The following CDX1 variants were observed in gnomAD, a reference collection of about 807,000 sequenced individuals.
The protein encoded by CDX1 is caudal type homeobox 1.
A neutral mutation model predicts 16.9 loss-of-function variants in CDX1; 9 were observed. The observed-to-expected ratio is 0.53, with a 90% CI of 0.32 to 0.93. The LOEUF (loss-of-function observed/expected upper bound fraction) is 0.93. Ranked by LOEUF, CDX1 falls within the 40% of genes least tolerant of loss-of-function variation. CDX1 has a pLI of 0.04. For synonymous variants in CDX1, 179 were observed against 179.0 expected (o/e 1.00, Z 0.00); for missense variants, 393 against 386.1 (o/e 1.02, Z -0.15).
chr5:150,177,106 T>C (rs1761578281), intron 1 of CDX1, among the ~76,000 whole-genome samples: 1 of 152,254 alleles, frequency 6.6e-6, no homozygotes, highest in African/African-American at 2.4e-5. Context: ...CCACACTCTG[T>C]CCTTGCCTGG....
At chr5:150,169,034 G>A (rs992111599) in intron 1 of CDX1, among the ~76,000 whole-genome samples, 8 of 152,276 alleles carry the variant, frequency 5.3e-5, no homozygotes, top group African/African-American at 1.9e-4. Context: ...AGTCTGTGAG[G>A]CTCTGGAGAA....
chr5:150,178,393 C>T (rs1761596226), intron 1 of CDX1, among the ~76,000 whole-genome samples: 1 of 152,204 alleles, frequency 6.6e-6, no homozygotes, highest in Non-Finnish European at 1.5e-5. Context: ...CAGAGGATTA[C>T]TTATTAGGTG....
In CDX1 at chr5:150,183,867, C is replaced by T; in HGVS notation, c.*187C>T. The T allele has an allele frequency of 6.7e-6, 3 of 445,926 alleles. No individual in the cohort carries two copies. The highest frequency in any genetic ancestry group is 1.2e-5 in the Non-Finnish European group (3 of 250,458). 27.6% of individuals were successfully genotyped at this position (445,926 alleles called of 1,614,324 possible). The stretch of plus-strand genomic sequence containing the variant: ...GTAAGCCTGTTGGATAAAGACCTTC[C>T]AGCTCCTGTGTTCTAGACCTCTGGG... On this transcript the variant is annotated 3_prime_UTR_variant, in exon 3 of 3. Transcript: ENST00000231656.
chr5:150,174,018 T>C lies in CDX1; in HGVS notation c.445+6697T>C, dbSNP rs146551566. Among the ~76,000 whole-genome samples, 668 of 152,358 alleles carry C rather than the reference T, an allele frequency of 4.4e-3. 6 individuals are homozygous for C. Among genetic ancestry groups the C allele is most frequent in the African/African-American group, 0.015 (643 of 41,574 alleles). ...GGATTCATCAAGTACTCACTGTGTGTGTCAGGCACGTGATAGGTGCTGGTG... is the reference window on the plus strand; with the variant it reads ...GGATTCATCAAGTACTCACTGTGTGCGTCAGGCACGTGATAGGTGCTGGTG... On this transcript the variant is annotated intron_variant, in intron 1 of 2. Transcript: ENST00000231656.
intron 1 of CDX1, among the ~76,000 whole-genome samples, chr5:150,169,160 G>A (rs1378937992): frequency 6.6e-6 from 1 of 152,098 alleles, no homozygotes; most frequent in African/African-American, 2.4e-5. Context: ...GGCCATCACT[G>A]TGTAAGGGAA....
At chr5:150,176,976 G>A (rs1040151942) in intron 1 of CDX1, among the ~76,000 whole-genome samples, 2 of 152,256 alleles carry the variant, frequency 1.3e-5, no homozygotes, top group Non-Finnish European at 2.9e-5. Flanking sequence ...TTTCAGAGCT[G>A]GATTTGTGGT....
intron 1 of CDX1, among the ~76,000 whole-genome samples, chr5:150,172,329 G>A (rs999683115): frequency 1.3e-5 from 2 of 152,148 alleles, no homozygotes; most frequent in African/African-American, 4.8e-5. Context: ...CTGTGGCATT[G>A]GCTAAATCTT....
intron 1 of CDX1, among the ~76,000 whole-genome samples, chr5:150,179,617 G>A (rs1170425491): frequency 6.6e-6 from 1 of 152,158 alleles, no homozygotes; most frequent in Non-Finnish European, 1.5e-5. Context: ...GGACTCTAAG[G>A]AAAAAGCACC....
chr5:150,183,555 C>T lies in CDX1; in HGVS notation c.673C>T (p.Pro225Ser). 1.9e-6 allele frequency: 3 copies of T among 1,612,616 alleles called. No individual in the cohort carries two copies. Among genetic ancestry groups the T allele is most frequent in the African/African-American group, 1.3e-5 (1 of 75,030 alleles). ...ACAGCAGCAGCAACAGCCCCCACAG[C>T]CGCCGATGGCCCACGACATCACGGC... ...KKQQQQQPPQ[P>S]PMAHDITATP... The change falls in exon 3 of 3, where the codon CCG becomes TCG. Residue 225 changes from proline (P) to serine (S), a missense_variant. Physicochemically the swap from Pro to Ser is moderately conservative, Grantham distance 74. Coordinates refer to ENST00000231656, the MANE Select transcript of CDX1 (RefSeq NM_001804.3).
At chr5:150,169,772 C>A (rs931846260) in intron 1 of CDX1, among the ~76,000 whole-genome samples, 19 of 152,188 alleles carry the variant, frequency 1.2e-4, no homozygotes, top group Non-Finnish European at 1.5e-4. Flanking sequence ...AGCCTGCCAC[C>A]AATCCTGGCT....
intron 1 of CDX1, among the ~76,000 whole-genome samples, chr5:150,167,984 C>G (rs1041229055): frequency 1.3e-5 from 2 of 152,210 alleles, no homozygotes; most frequent in South Asian, 2.1e-4. Context: ...CTCCTGCCCC[C>G]AGGCAGGCCT....
At chr5:150,175,531 C>A (rs918108734) in intron 1 of CDX1, among the ~76,000 whole-genome samples, 1 of 152,110 alleles carries the variant, frequency 6.6e-6, no homozygotes, top group African/African-American at 2.4e-5. Flanking sequence ...TGGCCATTGT[C>A]CCCCTTTCCC....
rs115080136 is a variant in CDX1 at position 150,180,708 on chromosome 5, G to A, written c.446-2060G>A. On this transcript the variant is annotated intron_variant, in intron 1 of 2. Transcript: ENST00000231656. ...CGTGTGCGGGTCTGGAAGTGCTTGC[G>A]TGCGCCTCCTATTTATAGCCACGTG... Among the ~76,000 whole-genome samples the A allele has an allele frequency of 2.0e-3, 308 of 152,226 alleles. 2 individuals carry two copies. Among genetic ancestry groups the A allele is most frequent in the African/African-American group, 7.0e-3 (289 of 41,532 alleles).
chr5:150,182,873 A>C lies in CDX1; in HGVS notation c.551A>C (p.Lys184Thr), dbSNP rs1479772671. The part of the protein sequence containing the change: ...HYSRYITIRR[K>T]SELAANLGLT... ...AGCCGTTACATCACAATCCGGCGGA[A>C]ATCAGAGCTGGCTGCCAATCTGGGG... is the stretch of plus-strand genomic sequence containing the variant. The change falls in exon 2 of 3, where the codon AAA becomes ACA. Residue 184 changes from lysine (K) to threonine (T), a missense_variant. By Grantham distance (78) the Lys-to-Thr change is moderately conservative. Transcript: ENST00000231656. 6.2e-7 allele frequency: 1 copy of C among 1,612,976 alleles called. No homozygotes were observed. Among genetic ancestry groups the C allele is most frequent in the South Asian group, 1.1e-5 (1 of 90,906 alleles).
intron 1 of CDX1, among the ~76,000 whole-genome samples, chr5:150,167,587 CG>C (rs1347584071): frequency 6.6e-6 from 1 of 152,236 alleles, no homozygotes; most frequent in Non-Finnish European, 1.5e-5. Flanking sequence ...CGCCTGCGGC[CG>C]CGGAGCAAGA....
At chr5:150,167,551 G>C (rs1294844573) in intron 1 of CDX1, among the ~76,000 whole-genome samples, 1 of 152,192 alleles carries the variant, frequency 6.6e-6, no homozygotes, top group African/African-American at 2.4e-5. Flanking sequence ...TAGGGAAACC[G>C]AGACCCCCTG....
intron 2 of CDX1, among the ~76,000 whole-genome samples, 181 bp from the exon 3 acceptor site, chr5:150,183,293 G>A (rs1752493126): frequency 6.6e-6 from 1 of 152,108 alleles, no homozygotes; most frequent in East Asian, 1.9e-4. Flanking sequence ...CCAGGGTAGG[G>A]GTGCAATGTC....
At chr5:150,176,161 C>CT (rs1761566366) in intron 1 of CDX1, among the ~76,000 whole-genome samples, 1 of 152,214 alleles carries the variant, frequency 6.6e-6, no homozygotes, top group Non-Finnish European at 1.5e-5. Context: ...CCAGAAGTGC[C>CT]ACCACCTCTG....
At chr5:150,175,920 C>T (rs1761564327) in intron 1 of CDX1, among the ~76,000 whole-genome samples, 1 of 152,206 alleles carries the variant, frequency 6.6e-6, no homozygotes, top group Non-Finnish European at 1.5e-5. Flanking sequence ...TCCTTTTTGT[C>T]TCCATAGCTT....
Sources: gnomAD v4.1 joint callset for allele counts (sites outside exome capture counted in the v4.1 genomes callset) on GRCh38, gnomAD v4.1.1 for gene constraint, MANE v1.5 for transcripts, NCBI Gene and HGNC (gene_info 2026-07-23, HGNC 2026-07-21) for gene names.